The following DPH6 variants were observed in gnomAD, a reference collection of about 807,000 sequenced individuals.
The protein encoded by DPH6 is diphthine--ammonia ligase.
In DPH6, 33 loss-of-function variants were observed where a neutral mutation model predicts 38.2. That is an observed-to-expected ratio of 0.86 (90% CI 0.65 to 1.15). DPH6 has a LOEUF of 1.15. Ranked by LOEUF, DPH6 falls within the 50% of genes most tolerant of loss-of-function variation. DPH6 has a pLI of 0.00. For synonymous variants in DPH6, 108 were observed against 103.0 expected (o/e 1.05, Z -0.30); for missense variants, 325 against 320.0 (o/e 1.02, Z -0.12).
intron 3 of DPH6, among the ~76,000 whole-genome samples, chr15:35,223,295 T>G (rs1287198836): frequency 1.3e-5 from 2 of 152,096 alleles, no homozygotes; most frequent in Non-Finnish European, 2.9e-5. Context: ...CTCCTGATAG[T>G]GAACTCACTC....
At chr15:35,449,567 A>C (rs1295459793) in intron 5 of DPH6, among the ~76,000 whole-genome samples, 2 of 152,130 alleles carry the variant, frequency 1.3e-5, no homozygotes, top group Non-Finnish European at 2.9e-5. Context: ...ATTCAAAGAG[A>C]GAGTGAGAGA....
chr15:35,220,751 A>T (rs2051437181), intron 3 of DPH6, among the ~76,000 whole-genome samples: 1 of 152,078 alleles, frequency 6.6e-6, no homozygotes, highest in Admixed American at 6.5e-5. Flanking sequence ...TTTCAACATG[A>T]CTCTGGAAAG....
downstream of DPH6, among the ~76,000 whole-genome samples, chr15:35,369,856 G>C (rs1566883128): frequency 6.6e-6 from 1 of 151,632 alleles, no homozygotes; most frequent in Non-Finnish European, 1.5e-5. Flanking sequence ...TTTTTTTGTG[G>C]ATACGGAAAA....
the DPH6 span, among the ~76,000 whole-genome samples, chr15:35,162,816 G>GT: frequency 6.6e-6 from 1 of 151,774 alleles, no homozygotes. Context: ...GTTTTCAAAG[G>GT]TTTTTCCAAA....
chr15:35,425,866 G>C (rs1460741835), intron 5 of DPH6, among the ~76,000 whole-genome samples: 3 of 148,378 alleles, frequency 2.0e-5, no homozygotes, highest in African/African-American at 7.4e-5. Flanking sequence ...CATATAACCA[G>C]CACCAAAAAG....
chr15:35,427,747 G>A (rs2053586832), intron 5 of DPH6, among the ~76,000 whole-genome samples: 1 of 151,814 alleles, frequency 6.6e-6, no homozygotes, highest in African/African-American at 2.4e-5. Flanking sequence ...AAGGTCACAT[G>A]AGAGTATTGG....
chr15:35,149,582 A>G, the DPH6 span, among the ~76,000 whole-genome samples: 1 of 151,996 alleles, frequency 6.6e-6, no homozygotes, highest in Admixed American at 6.6e-5. Flanking sequence ...TGACCACCAC[A>G]CGGGCCTTCC....
At chr15:35,194,369 CAGAGAG>C in the DPH6 span, among the ~76,000 whole-genome samples, 4 of 144,648 alleles carry the variant, frequency 2.8e-5, no homozygotes, top group Non-Finnish European at 4.6e-5. Flanking sequence ...TTCCTTTTTC[CAGAGAG>C]AGAGAGAGAG....
intron 5 of DPH6, among the ~76,000 whole-genome samples, chr15:35,443,943 C>T (rs1356014701): frequency 6.6e-6 from 1 of 152,156 alleles, no homozygotes; most frequent in African/African-American, 2.4e-5. Context: ...GGACACCTTA[C>T]CCAGTTTCAA....
chr15:35,379,217 T>C (rs7167921), intron 7 of DPH6, among the ~76,000 whole-genome samples: 55,630 of 152,064 alleles, frequency 0.37, 12,168 homozygotes, highest in African/African-American at 0.62. Context: ...GGCCCCTCCC[T>C]CACCTCAAAA....
At chr15:35,274,063 C>T (rs1595456632) in intron 3 of DPH6, among the ~76,000 whole-genome samples, 3 of 152,080 alleles carry the variant, frequency 2.0e-5, no homozygotes, top group African/African-American at 7.2e-5. Flanking sequence ...ATATATAGAC[C>T]AATGGAACCG....
At chr15:35,504,511 C>T (rs147695240) in intron 3 of DPH6, among the ~76,000 whole-genome samples, 5 of 151,696 alleles carry the variant, frequency 3.3e-5, no homozygotes, top group African/African-American at 1.2e-4. Flanking sequence ...AAACCTCTAT[C>T]ATAACAATAT....
At chr15:35,229,850 A>G (rs553226591) in intron 3 of DPH6, among the ~76,000 whole-genome samples, 1 of 152,210 alleles carries the variant, frequency 6.6e-6, no homozygotes, top group Non-Finnish European at 1.5e-5. Context: ...TACCAGATAA[A>G]AACTCTTTGT....
At chr15:35,344,232 G>A (rs2052444423) in intron 3 of DPH6, among the ~76,000 whole-genome samples, 3 of 151,952 alleles carry the variant, frequency 2.0e-5, no homozygotes, top group Admixed American at 2.0e-4. Flanking sequence ...GTTCAAAGAG[G>A]AAATGTGAAT....
intron 3 of DPH6, chr15:35,538,072 A>C (rs527313179): frequency 2.6e-6 from 1 of 377,932 alleles, no homozygotes; most frequent in South Asian, 1.0e-4. Context: ...AACTATACAA[A>C]ACGTCTTATT....
chr15:35,527,403 G>C (rs1018648394), intron 3 of DPH6, among the ~76,000 whole-genome samples: 1 of 152,182 alleles, frequency 6.6e-6, no homozygotes, highest in Non-Finnish European at 1.5e-5. Flanking sequence ...TAGTCTAGGA[G>C]CTGTATGGAG....
chr15:35,447,260 G>A (rs1413463138), intron 5 of DPH6, among the ~76,000 whole-genome samples: 1 of 152,180 alleles, frequency 6.6e-6, no homozygotes, highest in East Asian at 1.9e-4. Flanking sequence ...ATTTGAGAGA[G>A]ATATCCAAGA....
intron 3 of DPH6, among the ~76,000 whole-genome samples, chr15:35,334,782 C>T (rs2052355275): frequency 6.6e-6 from 1 of 152,006 alleles, no homozygotes; most frequent in Admixed American, 6.6e-5. Context: ...GTATATGTAC[C>T]AGATTTTCTT....
At chr15:35,175,925 G>C in the DPH6 span, among the ~76,000 whole-genome samples, 1 of 152,272 alleles carries the variant, frequency 6.6e-6, no homozygotes, top group East Asian at 1.9e-4. Flanking sequence ...AAATAAGTCT[G>C]AGAGAAACTC....
Sources: allele counts gnomAD v4.1 joint callset (sites outside exome capture counted in the v4.1 genomes callset), GRCh38; gene constraint gnomAD v4.1.1; transcripts MANE v1.5; gene names NCBI Gene and HGNC (gene_info 2026-07-23, HGNC 2026-07-21).